ALPL: variants seen among roughly 807,000 people sequenced by gnomAD.
The protein encoded by ALPL is alkaline phosphatase, tissue-nonspecific isozyme.
In ALPL, 42 loss-of-function variants were observed where a neutral mutation model predicts 51.3. The ratio of observed to expected loss-of-function variants is 0.82; its 90% CI spans 0.64 to 1.06. The LOEUF (loss-of-function observed/expected upper bound fraction) is 1.06, where lower values mean the gene tolerates loss of function less well. Among genes scored for constraint, ALPL ranks in the 50% least tolerant of loss-of-function variants. The probability of loss-of-function intolerance (pLI) is 0.00; values close to 1 mark genes in which losing one functional copy is unlikely to be tolerated. For missense variants in ALPL, 589 were observed against 709.4 expected, an observed-to-expected ratio of 0.83 and a Z score of 1.93; for synonymous variants, 279 against 296.4, an observed-to-expected ratio of 0.94 and a Z score of 0.60.
intron 1 of ALPL, among the ~76,000 whole-genome samples, chr1:21,550,066 C>T (rs1384989829): frequency 1.3e-5 from 2 of 152,160 alleles, no homozygotes; most frequent in African/African-American, 4.8e-5. Flanking sequence ...CTATCAAAAA[C>T]ACAGTGGTGG....
chr1:21,528,675 G>C (rs28439696), intron 1 of ALPL, among the ~76,000 whole-genome samples: 30,014 of 151,852 alleles, frequency 0.2, 3,305 homozygotes, highest in East Asian at 0.48. Flanking sequence ...TTAATGGTAT[G>C]TTTTGATAAC....
chr1:21,523,878 T>A (rs1570179272), intron 1 of ALPL, among the ~76,000 whole-genome samples: 1 of 152,002 alleles, frequency 6.6e-6, no homozygotes, highest in Non-Finnish European at 1.5e-5. Flanking sequence ...TGCCATGGGG[T>A]TGTCTGGTCC....
intron 9 of ALPL, 96 bp downstream of exon 9, chr1:21,573,895 G>A: frequency 6.3e-7 from 1 of 1,579,258 alleles, no homozygotes; most frequent in Non-Finnish European, 8.6e-7. Context: ...TGACTGGTTT[G>A]GGGGTGAAGG....
intron 1 of ALPL, among the ~76,000 whole-genome samples, chr1:21,543,792 C>A (rs1286716692): frequency 6.6e-6 from 1 of 152,214 alleles, no homozygotes; most frequent in Non-Finnish European, 1.5e-5. Context: ...AGACCGGGGG[C>A]TCCCTAAGGG....
intron 1 of ALPL, among the ~76,000 whole-genome samples, chr1:21,517,362 T>A (rs1643820264): frequency 6.6e-6 from 1 of 152,238 alleles, no homozygotes; most frequent in South Asian, 2.1e-4. Context: ...GTTTGGAAAG[T>A]GCAGGTGAGA....
intron 1 of ALPL, among the ~76,000 whole-genome samples, chr1:21,519,080 C>T (rs1337918459): frequency 1.3e-5 from 2 of 152,208 alleles, no homozygotes; most frequent in African/African-American, 4.8e-5. Context: ...GGGAAAGGGG[C>T]TGTAGTGTAG....
chr1:21,519,212 C>T (rs1232038669), intron 1 of ALPL, among the ~76,000 whole-genome samples: 5 of 152,276 alleles, frequency 3.3e-5, no homozygotes, highest in African/African-American at 1.2e-4. Context: ...AGAAACCTGC[C>T]TCTCCCTTGG....
intron 1 of ALPL, among the ~76,000 whole-genome samples, chr1:21,527,444 A>G (rs1643962969): frequency 6.6e-6 from 1 of 152,232 alleles, no homozygotes; most frequent in African/African-American, 2.4e-5. Context: ...GCTCCTAATT[A>G]AATCATTCCT....
intron 4 of ALPL, 105 bp downstream of exon 4, chr1:21,561,317 C>T: frequency 3.0e-6 from 3 of 999,516 alleles, no homozygotes; most frequent in Non-Finnish European, 4.6e-6. Context: ...TGAGCCCCCT[C>T]CATGCCCAAG....
intron 9 of ALPL, chr1:21,574,018 A>T (rs1332103740): frequency 1.0e-6 from 1 of 985,296 alleles, no homozygotes; most frequent in African/African-American, 1.7e-5. Flanking sequence ...AGGTTCAGCA[A>T]TCCAGGAAGG....
At chr1:21,529,915 T>C (rs1425701815) in intron 1 of ALPL, among the ~76,000 whole-genome samples, 1 of 152,028 alleles carries the variant, frequency 6.6e-6, no homozygotes, top group Non-Finnish European at 1.5e-5. Context: ...GGGACTATAG[T>C]TGTGCACCAC....
chr1:21,546,401 A>C (rs2148120655), intron 1 of ALPL, among the ~76,000 whole-genome samples: 1 of 152,288 alleles, frequency 6.6e-6, no homozygotes, highest in Middle Eastern at 3.4e-3. Context: ...GTGTGATCAG[A>C]AAAGGCCTGG....
intron 1 of ALPL, among the ~76,000 whole-genome samples, chr1:21,532,757 C>A (rs1413620568): frequency 6.6e-6 from 1 of 152,202 alleles, no homozygotes; most frequent in African/African-American, 2.4e-5. Flanking sequence ...TTCCTTCCCT[C>A]CACTTCTGCT....
chr1:21,542,222 A>G (rs949565814), intron 1 of ALPL, among the ~76,000 whole-genome samples: 1 of 152,068 alleles, frequency 6.6e-6, no homozygotes, highest in Non-Finnish European at 1.5e-5. Context: ...CTAGGCAGCT[A>G]TGCAGGTGCC....
chr1:21,577,863 C>A lies in ALPL; in HGVS notation c.*215C>A, dbSNP rs1644764636. The A allele has an allele frequency of 1.5e-6, 1 of 645,990 alleles. No homozygotes were observed. The highest frequency in any genetic ancestry group is 2.6e-6 in the Non-Finnish European group (1 of 379,066). The allele number at this position is 645,990 out of a possible 1,614,324, so 40.0% of individuals were successfully genotyped here. ...TCTGGCCTCCAGCCTTTGCTCCCTC[C>A]CCGCTGCCCTTTGGCCAACAGGGTA... On this transcript the variant is annotated 3_prime_UTR_variant, in exon 12 of 12. Transcript: ENST00000374840.
In ALPL at chr1:21,554,121, C is replaced by T. The variant is rs139214514; in HGVS notation, c.40C>T (p.Leu14Phe). 4.3e-5 allele frequency: 70 copies of T among 1,613,748 alleles called. No homozygotes were observed. The highest frequency in any genetic ancestry group is 5.1e-5 in the Non-Finnish European group (60 of 1,179,976). ...CTTAGTACTGGCCATTGGCACCTGC[C>T]TTACTAACTCCTTAGTGCCAGGTAT... ...PFLVLAIGTCLTNSLVPEKEK... is the reference protein window; with the variant it reads ...PFLVLAIGTCFTNSLVPEKEK... Residue 14 changes from leucine (L) to phenylalanine (F), a missense_variant, in exon 2 of 12, where the codon CTT becomes TTT. Leu to Phe is a conservative substitution (Grantham distance 22, BLOSUM62 0). Transcript: ENST00000374840.
chr1:21,571,582 G>C (rs1558554046), intron 8 of ALPL, among the ~76,000 whole-genome samples: 1 of 152,178 alleles, frequency 6.6e-6, no homozygotes, highest in Non-Finnish European at 1.5e-5. Context: ...TGAGGCAGGA[G>C]AATGGTATGA....
intron 1 of ALPL, among the ~76,000 whole-genome samples, chr1:21,544,908 G>GTT (rs374288374): frequency 6.7e-6 from 1 of 150,020 alleles, no homozygotes; most frequent in Non-Finnish European, 1.5e-5. Flanking sequence ...GTTTTGTTTT[G>GTT]TTTTTTTTTC....
intron 1 of ALPL, among the ~76,000 whole-genome samples, chr1:21,514,017 G>T (rs1450517715): frequency 6.6e-6 from 1 of 152,226 alleles, no homozygotes; most frequent in Non-Finnish European, 1.5e-5. Flanking sequence ...AATTCCACTT[G>T]AATGATTGTG....
Sources: gnomAD v4.1 joint callset for allele counts (sites outside exome capture counted in the v4.1 genomes callset) on GRCh38, gnomAD v4.1.1 for gene constraint, MANE v1.5 for transcripts, NCBI Gene and HGNC (gene_info 2026-07-23, HGNC 2026-07-21) for gene names.